ASAP2: variants seen among roughly 807,000 people sequenced by gnomAD.
ASAP2 encodes the protein ArfGAP with SH3 domain, ankyrin repeat and PH domain 2, also known as arf-GAP with SH3 domain, ANK repeat and PH domain-containing protein 2.
ASAP2 carries 45 observed loss-of-function variants against 131.4 expected under a neutral mutation model. That is an observed-to-expected ratio of 0.34 (90% CI 0.27 to 0.44). ASAP2 has a LOEUF of 0.44. ASAP2 is among the 20% of genes least tolerant of loss of function. The pLI is 1.00. For missense variants in ASAP2, 1,011 were observed against 1,297.0 expected (o/e 0.78, Z 3.39); for synonymous variants, 510 against 503.0 (o/e 1.01, Z -0.19).
In ASAP2 at chr2:9,206,868, C is replaced by T. The variant is rs1224137177; in HGVS notation, c.-237C>T. 1.3e-5 allele frequency: 2 copies of T among 159,484 alleles called. No individual in the cohort carries two copies. Among genetic ancestry groups the T allele is most frequent in the African/African-American group, 4.9e-5 (2 of 41,078 alleles). 9.9% of individuals were successfully genotyped at this position (159,484 alleles called of 1,614,324 possible). On this transcript the variant is annotated 5_prime_UTR_variant, in exon 1 of 28. Transcript: ENST00000281419. This position sits in a 1 kb window ranked among gnomAD's most constrained non-coding sequence, Gnocchi z 4.0. ...GGCTCGCTCTGAGAGGACGCGGCGG[C>T]AGCGGACTCGGAGCCCTCGGCGCGC...
chr2:9,327,783 A>G (rs1201408109), intron 6 of ASAP2, 43 bp from the exon 7 acceptor site: 1 of 1,464,796 alleles, frequency 6.8e-7, no homozygotes, highest in East Asian at 2.4e-5. Flanking sequence ...TTAAACTCGT[A>G]TTCTGCTTAC....
intron 1 of ASAP2, among the ~76,000 whole-genome samples, chr2:9,273,796 A>C (rs190506231): frequency 6.6e-6 from 1 of 152,298 alleles, no homozygotes; most frequent in Admixed American, 6.5e-5. Context: ...AAAATATCTC[A>C]AGTGCTGATA....
At chr2:9,327,335 G>A (rs543485418) in intron 6 of ASAP2, among the ~76,000 whole-genome samples, 1 of 152,278 alleles carries the variant, frequency 6.6e-6, no homozygotes, top group South Asian at 2.1e-4. Context: ...GTTAAAAATA[G>A]CTTTAATTCA....
intron 15 of ASAP2, among the ~76,000 whole-genome samples, chr2:9,367,546 A>C (rs1319892009): frequency 6.6e-6 from 1 of 151,832 alleles, no homozygotes; most frequent in Non-Finnish European, 1.5e-5. Flanking sequence ...GGATTGCATG[A>C]GCCCAGGAGT....
rs73912994 is a variant in ASAP2 at position 9,230,335 on chromosome 2, G to C, written c.126+23105G>C. 9.1e-4 allele frequency among the ~76,000 whole-genome samples: 138 copies of C among 152,292 alleles called. 2 individuals carry two copies. The highest frequency in any genetic ancestry group is 3.2e-3 in the African/African-American group (133 of 41,558). On this transcript the variant is annotated intron_variant, in intron 1 of 27. Transcript: ENST00000281419. The stretch of plus-strand genomic sequence containing the variant: ...CCAGTGTTGGGGACCCAGAGGGGCT[G>C]CGTGGGCCTGCTGCCACTGCGAGCC...
intron 2 of ASAP2, among the ~76,000 whole-genome samples, chr2:9,292,673 A>T (rs1431941479): frequency 6.6e-6 from 1 of 152,128 alleles, no homozygotes; most frequent in Non-Finnish European, 1.5e-5. Context: ...GCCCCAGTTC[A>T]ATGTCTCCTT....
intron 3 of ASAP2, among the ~76,000 whole-genome samples, chr2:9,309,395 G>T (rs6715958): frequency 0.046 from 6,927 of 152,220 alleles, 387 homozygotes; most frequent in African/African-American, 0.12. Flanking sequence ...GCGTACATGC[G>T]GGATGATTCC....
intron 1 of ASAP2, among the ~76,000 whole-genome samples, chr2:9,269,737 C>T (rs1459615860): frequency 2.0e-5 from 3 of 152,202 alleles, no homozygotes; most frequent in Non-Finnish European, 4.4e-5. Flanking sequence ...GGTGGCAAGG[C>T]CTGAGGAACT....
chr2:9,284,868 T>C (rs1443179695), intron 2 of ASAP2, among the ~76,000 whole-genome samples: 2 of 152,216 alleles, frequency 1.3e-5, no homozygotes, highest in South Asian at 2.1e-4. Context: ...ATTCTATTCT[T>C]TGAGGATTTA....
chr2:9,344,812 C>T lies in ASAP2; in HGVS notation c.1023+12C>T, dbSNP rs766847798. 1.9e-6 allele frequency: 3 copies of T among 1,608,522 alleles called. No homozygotes were observed. The South Asian group carries it at 3.3e-5, about 18-fold the overall frequency. ...TATCCCATGGTACCGTAAGTATTCT[C>T]TTTTAATCCATGGTGTCTGCTGTAT... On this transcript the variant is annotated intron_variant, in intron 11 of 27. Transcript: ENST00000281419.
At chr2:9,371,424 CTATT>C (rs1404243168) in intron 16 of ASAP2, among the ~76,000 whole-genome samples, 5 of 152,204 alleles carry the variant, frequency 3.3e-5, no homozygotes, top group African/African-American at 1.2e-4. Context: ...GAACCAGTGA[CTATT>C]TAATGAATCA....
At chr2:9,325,042 T>C (rs1420306458) in intron 6 of ASAP2, among the ~76,000 whole-genome samples, 1 of 152,130 alleles carries the variant, frequency 6.6e-6, no homozygotes, top group Non-Finnish European at 1.5e-5. Flanking sequence ...TTTAGAGATA[T>C]TCACTAGATG....
chr2:9,247,768 C>G (rs1664435027), intron 1 of ASAP2, among the ~76,000 whole-genome samples: 1 of 152,192 alleles, frequency 6.6e-6, no homozygotes, highest in African/African-American at 2.4e-5. Flanking sequence ...TTTGCACTTG[C>G]TAACAGTTCC....
intron 16 of ASAP2, among the ~76,000 whole-genome samples, chr2:9,368,926 G>A (rs1264224852): frequency 6.6e-6 from 1 of 151,882 alleles, no homozygotes; most frequent in Non-Finnish European, 1.5e-5. Context: ...TCTTGCCAAC[G>A]TCCTTGCCTC....
chr2:9,354,659 AAAG>A (rs1473529555), intron 12 of ASAP2, among the ~76,000 whole-genome samples: 1 of 151,728 alleles, frequency 6.6e-6, no homozygotes, highest in Non-Finnish European at 1.5e-5. Flanking sequence ...AAAAAAAAAA[AAAG>A]AAAAAGAAAA....
intron 2 of ASAP2, among the ~76,000 whole-genome samples, chr2:9,296,479 G>A (rs1271538196): frequency 1.3e-5 from 2 of 152,210 alleles, no homozygotes; most frequent in Non-Finnish European, 2.9e-5. Flanking sequence ...ACTCTTTCAG[G>A]TGCTACTTTG....
At chr2:9,283,466 T>G (rs1667263916) in intron 2 of ASAP2, among the ~76,000 whole-genome samples, 1 of 152,216 alleles carries the variant, frequency 6.6e-6, no homozygotes, top group African/African-American at 2.4e-5. Context: ...AATGAAGATG[T>G]TAACAGGGCT....
intron 1 of ASAP2, among the ~76,000 whole-genome samples, chr2:9,231,740 T>C (rs979134023): frequency 3.9e-5 from 6 of 152,170 alleles, no homozygotes; most frequent in African/African-American, 1.4e-4. Flanking sequence ...TTGGAGCCCT[T>C]GTGCCATGCC....
At chr2:9,304,626 T>C (rs906733879) in intron 3 of ASAP2, among the ~76,000 whole-genome samples, 4 of 146,610 alleles carry the variant, frequency 2.7e-5, no homozygotes, top group Non-Finnish European at 5.9e-5. Context: ...GCTGGAGTAG[T>C]GGAGTATAGA....
Sources: allele counts gnomAD v4.1 joint callset (sites outside exome capture counted in the v4.1 genomes callset), GRCh38; gene constraint gnomAD v4.1.1; non-coding constraint Gnocchi (gnomAD v3.1); transcripts MANE v1.5; gene names NCBI Gene and HGNC (gene_info 2026-07-23, HGNC 2026-07-21).